BTAF1: variants seen among roughly 807,000 people sequenced by gnomAD.
BTAF1 encodes the protein TATA-binding protein-associated factor 172.
A neutral mutation model predicts 227.1 loss-of-function variants in BTAF1; 38 were observed. The observed-to-expected ratio is 0.17, with a 90% CI of 0.13 to 0.22. The LOEUF (loss-of-function observed/expected upper bound fraction) is 0.22, where lower values mean the gene tolerates loss of function less well. BTAF1 is among the 10% of genes least tolerant of loss of function. BTAF1 has a pLI of 1.00. For missense variants in BTAF1, 1,598 were observed against 2,204.0 expected, an observed-to-expected ratio of 0.73 and a Z score of 5.51; for synonymous variants, 742 against 751.9, an observed-to-expected ratio of 0.99 and a Z score of 0.21.
In BTAF1 at chr10:91,935,665, G is replaced by A. The variant is rs200229615; in HGVS notation, c.23G>A (p.Arg8His). The A allele has an allele frequency of 3.2e-5, 51 of 1,611,882 alleles. No individual in the cohort carries two copies. The highest frequency in any genetic ancestry group is 3.9e-5 in the Non-Finnish European group (46 of 1,179,074). The part of the protein sequence containing the change: MAVSRLD[R>H]LFILLDTGTT... ...TATTTTTGTTATTTCAGGCTAGATC[G>A]CCTTTTTATTTTACTGGATACTGGC... The change falls in exon 2 of 38, where the codon CGC becomes CAC. Residue 8 changes from arginine to histidine, a missense_variant. By Grantham distance (29) the Arg-to-His change is conservative (BLOSUM62 0). Transcript: ENST00000265990.
In BTAF1 at chr10:91,942,579, G is replaced by A. The variant is rs1845089374; in HGVS notation, c.400+11G>A. On this transcript the variant is annotated intron_variant, in intron 4 of 37. Coordinates refer to ENST00000265990, the MANE Select transcript of BTAF1 (RefSeq NM_003972.3). ...AAGATGAAAAATCAGGTCTGTAGTG[G>A]TTCTGAGAAGAAAGTCTAAAATTTG... 1 of 1,612,802 alleles carries A rather than the reference G, an allele frequency of 6.2e-7. No individual in the cohort carries two copies. The highest frequency in any genetic ancestry group is 1.3e-5 in the African/African-American group (1 of 74,944).
Position 91,982,138 on chromosome 10 carries a change from A to C in BTAF1, c.1961A>C (p.Gln654Pro), listed in dbSNP as rs1007847645. ...CAAAGCCAGAATAAAGAAGTACTTC[A>C]GGAGTATATTGCAGGTGCCGACACC... ...QGQSQNKEVL[Q>P]EYIAGADTIM... The change falls in exon 17 of 38, where the codon CAG (glutamine) becomes CCG (proline). Residue 654 changes from glutamine to proline, a missense_variant. By Grantham distance (76) the Gln-to-Pro change is moderately conservative. Coordinates refer to ENST00000265990, the MANE Select transcript of BTAF1 (RefSeq NM_003972.3). 1 of 1,614,000 alleles carries C rather than the reference A, an allele frequency of 6.2e-7. No homozygotes were observed. The highest frequency in any genetic ancestry group is 8.5e-7 in the Non-Finnish European group (1 of 1,179,914).
intron 33 of BTAF1, among the ~76,000 whole-genome samples, chr10:92,018,498 C>T (rs1167740611): frequency 1.3e-5 from 2 of 152,182 alleles, no homozygotes; most frequent in Non-Finnish European, 2.9e-5. Context: ...TTAAAGAAAA[C>T]AACTAAGACG....
At chr10:91,983,926 C>T (rs1237855679) in intron 18 of BTAF1, among the ~76,000 whole-genome samples, 1 of 149,902 alleles carries the variant, frequency 6.7e-6, no homozygotes, top group African/African-American at 2.5e-5. Flanking sequence ...ACTTTAAAAT[C>T]TGTGATATAT....
At chr10:91,947,297 A>T (rs73312381) in intron 4 of BTAF1, among the ~76,000 whole-genome samples, 1 of 152,148 alleles carries the variant, frequency 6.6e-6, no homozygotes, top group Non-Finnish European at 1.5e-5. Flanking sequence ...AAACTTGCCA[A>T]ATTCAAGCTC....
intron 3 of BTAF1, 124 bp from the exon 4 acceptor site, chr10:91,942,298 T>TTGTG (rs58443276): frequency 0.028 from 15,190 of 540,650 alleles, 50 homozygotes; most frequent in East Asian, 0.077. Flanking sequence ...AAAAAAAAGT[T>TTGTG]TGTGTGTGTG....
In BTAF1 at chr10:92,008,944, G is replaced by T. The variant is rs1850123076; in HGVS notation, c.3929G>T (p.Cys1310Phe). ...QSICILAGDH[C>F]HRAQEYARSK... ...ATCTGCATTCTAGCAGGAGATCATT[G>T]TCATAGGTAATTTAAGATGTTATTT... The change falls in exon 27 of 38, where the codon TGT becomes TTT. Residue 1310 changes from cysteine to phenylalanine, a missense_variant. Coordinates refer to ENST00000265990, the MANE Select transcript of BTAF1 (RefSeq NM_003972.3). The T allele has an allele frequency of 6.2e-7, 1 of 1,613,020 alleles. No homozygotes were observed. The highest frequency in any genetic ancestry group is 1.7e-5 in the Admixed American group (1 of 59,762).
rs944585219 is a variant in BTAF1, at chr10:91,928,422, C to T, written c.14+4332C>T. Among the ~76,000 whole-genome samples the T allele has an allele frequency of 3.9e-5, 6 of 152,026 alleles. No individual in the cohort carries two copies. In the East Asian group the frequency reaches 1.2e-3, roughly 29 times the overall value. On this transcript the variant is annotated intron_variant, in intron 1 of 37. Coordinates refer to ENST00000265990, the MANE Select transcript of BTAF1 (RefSeq NM_003972.3). ...GGAAAATGATATGACTCTTTTAAAC[C>T]CTTAGTAAAAGACCCAAAATCCAAA... is the stretch of plus-strand genomic sequence containing the variant.
At chr10:91,931,769 C>T (rs2133774777) in intron 1 of BTAF1, among the ~76,000 whole-genome samples, 1 of 152,372 alleles carries the variant, frequency 6.6e-6, no homozygotes, top group Middle Eastern at 3.4e-3. Flanking sequence ...TCAGACTGCC[C>T]TCTTGTCAGA....
In BTAF1 at chr10:91,997,579, A is replaced by G. The variant is rs369143658; in HGVS notation, c.3512-24A>G. 98 of 1,606,268 alleles carry G rather than the reference A, an allele frequency of 6.1e-5. No individual in the cohort carries two copies. The African/African-American group carries it at 1.0e-3, about 17-fold the overall frequency. On this transcript the variant is annotated intron_variant, in intron 24 of 37. Coordinates refer to ENST00000265990, the MANE Select transcript of BTAF1 (RefSeq NM_003972.3). ...AAACATCTGTCTTGGAACCATTTCA[A>G]AATTTCCTTAATCACTTACTCAGGT... is the stretch of plus-strand genomic sequence containing the variant.
At chr10:92,011,197 A>T in intron 29 of BTAF1, 47 bp downstream of exon 29, 1 of 1,520,960 alleles carries the variant, frequency 6.6e-7, no homozygotes. Flanking sequence ...AAATTTGAAG[A>T]CTCTTAATAT....
In BTAF1 at chr10:91,940,002, A is replaced by T; in HGVS notation, c.189A>T (p.Gly63=). The T allele has an allele frequency of 6.2e-7, 1 of 1,613,380 alleles. No individual in the cohort carries two copies. Among genetic ancestry groups the T allele is most frequent in the Non-Finnish European group, 8.5e-7 (1 of 1,179,482 alleles). The part of the protein sequence containing the change: ...SANWDTRIAA[G]QAVEAIVKNV... ...ATTGGGATACCCGGATTGCAGCAGG[A>T]CAAGCTGTTGAAGCTATAGTGAAAA... Residue 63 remains glycine, a synonymous_variant, in exon 3 of 38, where the codon GGA becomes GGT. Transcript: ENST00000265990.
chr10:91,961,927 G>C (rs186066833), intron 11 of BTAF1, among the ~76,000 whole-genome samples: 64 of 152,258 alleles, frequency 4.2e-4, no homozygotes, highest in African/African-American at 1.4e-3. Context: ...TTCTGGCAGA[G>C]GGGTTTGTGT....
At chr10:91,940,643 C>CTTTTA (rs766116073) in intron 3 of BTAF1, among the ~76,000 whole-genome samples, 2 of 151,748 alleles carry the variant, frequency 1.3e-5, no homozygotes, top group South Asian at 2.1e-4. Context: ...TTTCAACTGA[C>CTTTTA]TTTTATTTTA....
intron 20 of BTAF1, among the ~76,000 whole-genome samples, chr10:91,990,475 T>C (rs1848660811): frequency 6.6e-6 from 1 of 152,202 alleles, no homozygotes; most frequent in South Asian, 2.1e-4. Flanking sequence ...TTTCTCGTTA[T>C]GCTTAGGCAC....
At chr10:91,991,592 A>G (rs1444513130) in intron 20 of BTAF1, among the ~76,000 whole-genome samples, 1 of 151,378 alleles carries the variant, frequency 6.6e-6, no homozygotes, top group Non-Finnish European at 1.5e-5. Context: ...CTCTTCAAAA[A>G]ATATAAAATT....
Position 91,942,706 on chromosome 10 carries a change from G to C in BTAF1, c.400+138G>C, listed in dbSNP as rs1025908665. On this transcript the variant is annotated intron_variant, in intron 4 of 37. Transcript: ENST00000265990. ...TAACTGAAGTTTGCAGGTGGCGGGGGATGCTATGAATGGGAGGTAACCCAG... is the reference window on the plus strand; with the variant it reads ...TAACTGAAGTTTGCAGGTGGCGGGGCATGCTATGAATGGGAGGTAACCCAG... 3.0e-6 allele frequency: 3 copies of C among 986,624 alleles called. No homozygotes were observed. In the East Asian group the frequency reaches 7.9e-5, roughly 26 times the overall value. 61.1% of individuals were successfully genotyped at this position (986,624 alleles called of 1,614,324 possible). A position where few individuals can be genotyped will look rare whatever the true frequency, so the allele number is the denominator to read the frequency against.
At chr10:91,982,346 T>TTA (rs1848125217) in intron 17 of BTAF1, 121 bp downstream of exon 17, 6 of 1,369,002 alleles carry the variant, frequency 4.4e-6, no homozygotes, top group Non-Finnish European at 6.0e-6. Context: ...ATCACACTAA[T>TTA]TATAGCCTAA....
chr10:92,007,210 C>CTTTTTTTTTTTTTTTTTT (rs969389265), intron 25 of BTAF1, among the ~76,000 whole-genome samples: 1 of 61,268 alleles, frequency 1.6e-5, no homozygotes, highest in African/African-American at 6.1e-5. Context: ...TATTTTTTGT[C>CTTTTTTTTTTTTTTTTTT]TTTTTTTTTT....
Sources: allele counts gnomAD v4.1 joint callset (sites outside exome capture counted in the v4.1 genomes callset), GRCh38; gene constraint gnomAD v4.1.1; transcripts MANE v1.5; gene names NCBI Gene and HGNC (gene_info 2026-07-23, HGNC 2026-07-21).